CORO2B: variants seen among roughly 807,000 people sequenced by gnomAD.
The protein encoded by CORO2B is coronin 2B.
CORO2B carries 26 observed loss-of-function variants against 58.8 expected under a neutral mutation model. The ratio of observed to expected loss-of-function variants is 0.44; its 90% CI spans 0.32 to 0.61. CORO2B has a LOEUF of 0.61. CORO2B is among the 20% of genes least tolerant of loss of function. The pLI is 0.04. For synonymous variants in CORO2B, 242 were observed against 253.8 expected (o/e 0.95, Z 0.44); for missense variants, 460 against 645.1 (o/e 0.71, Z 3.11).
intron 1 of CORO2B, among the ~76,000 whole-genome samples, chr15:68,627,843 A>G (rs1213648128): frequency 6.6e-5 from 10 of 152,046 alleles, no homozygotes. Context: ...ACCCTGGTGT[A>G]TCCTCATCTC....
intron 1 of CORO2B, among the ~76,000 whole-genome samples, chr15:68,596,305 C>A (rs1228243191): frequency 1.5e-5 from 2 of 135,440 alleles, no homozygotes; most frequent in African/African-American, 2.8e-5. Context: ...GGACAGAACA[C>A]AATCCTGACA....
intron 2 of CORO2B, among the ~76,000 whole-genome samples, chr15:68,677,131 G>A (rs1902615108): frequency 1.3e-5 from 2 of 152,002 alleles, no homozygotes; most frequent in African/African-American, 2.4e-5. Context: ...CTGGAGCCCC[G>A]GAGGCACACC....
chr15:68,691,997 GAGTA>G (rs533900966), intron 2 of CORO2B, among the ~76,000 whole-genome samples: 1 of 152,210 alleles, frequency 6.6e-6, no homozygotes, highest in Non-Finnish European at 1.5e-5. Flanking sequence ...CTCTGTCAGA[GAGTA>G]AGTGAGCTGT....
rs141637030 is a variant in CORO2B, at chr15:68,660,154, T to G, written c.216+14794T>G. ...ACCAATTCTCCTTTGACCATGTGCC[T>G]GTATCATGGGAGGGTTCATGTCATG... On this transcript the variant is annotated intron_variant, in intron 2 of 11. Coordinates refer to ENST00000261861, the MANE Select transcript of CORO2B (RefSeq NM_006091.5). Among the ~76,000 whole-genome samples, 17 of 152,320 alleles carry G rather than the reference T, an allele frequency of 1.1e-4. 1 individual carries two copies. In the East Asian group the frequency reaches 3.3e-3, roughly 29 times the overall value.
the CORO2B span, among the ~76,000 whole-genome samples, chr15:68,519,277 G>A: frequency 2.6e-3 from 399 of 152,286 alleles, 3 homozygotes; most frequent in African/African-American, 9.3e-3. Flanking sequence ...ACATGTATAA[G>A]CATGTGTGGT....
chr15:68,563,693 G>T, the CORO2B span, among the ~76,000 whole-genome samples: 598 of 152,122 alleles, frequency 3.9e-3, 3 homozygotes, highest in African/African-American at 0.014. Flanking sequence ...TGTCAGAAAT[G>T]AAATTGGGGA....
At chr15:68,589,841 G>T (rs1468080519) in intron 1 of CORO2B, among the ~76,000 whole-genome samples, 3 of 152,220 alleles carry the variant, frequency 2.0e-5, no homozygotes, top group African/African-American at 4.8e-5. Context: ...GCCTGGTTTG[G>T]CAGTGGCAGA....
chr15:68,638,352 A>C (rs145274332), intron 1 of CORO2B, among the ~76,000 whole-genome samples: 3 of 152,342 alleles, frequency 2.0e-5, no homozygotes, highest in Admixed American at 6.5e-5. Flanking sequence ...TGGGCCAGAC[A>C]CTTTGCCAAG....
intron 1 of CORO2B, among the ~76,000 whole-genome samples, chr15:68,620,636 G>A (rs1010159978): frequency 2.6e-5 from 4 of 152,150 alleles, no homozygotes; most frequent in Admixed American, 6.5e-5. Flanking sequence ...TTTCCAAAGT[G>A]CCTTCTCTGT....
intron 1 of CORO2B, among the ~76,000 whole-genome samples, chr15:68,622,239 CA>C (rs1900545948): frequency 6.6e-6 from 1 of 152,144 alleles, no homozygotes; most frequent in Non-Finnish European, 1.5e-5. Flanking sequence ...TGAGTGACTG[CA>C]TGTGAAAATG....
the CORO2B span, among the ~76,000 whole-genome samples, chr15:68,549,450 T>C: frequency 0.92 from 139,964 of 152,156 alleles, 64,802 homozygotes; most frequent in East Asian, 1. Flanking sequence ...GTTCTCGTGG[T>C]ACCAAAACCT....
chr15:68,714,493 C>G, intron 6 of CORO2B, 66 bp from the exon 7 acceptor site: 1 of 1,273,480 alleles, frequency 7.9e-7, no homozygotes. Flanking sequence ...AGAGGCCTTC[C>G]TGGGATTTGG....
the CORO2B span, among the ~76,000 whole-genome samples, chr15:68,552,449 G>GC: frequency 8.4e-6 from 1 of 119,044 alleles, no homozygotes; most frequent in Non-Finnish European, 1.7e-5. Flanking sequence ...CCAAGGGGCA[G>GC]CCATGGCCAT....
chr15:68,724,201 C>G (rs764370419), intron 11 of CORO2B, among the ~76,000 whole-genome samples: 9 of 152,028 alleles, frequency 5.9e-5, no homozygotes, highest in Non-Finnish European at 1.3e-4. Context: ...GACTCTGTCT[C>G]AAAAACAAAC....
At chr15:68,607,725 A>C (rs573342765) in intron 1 of CORO2B, among the ~76,000 whole-genome samples, 3 of 151,304 alleles carry the variant, frequency 2.0e-5, no homozygotes, top group Non-Finnish European at 4.4e-5. Context: ...CGCTGAGGTG[A>C]GAGGATTGCT....
intron 1 of CORO2B, among the ~76,000 whole-genome samples, chr15:68,635,881 C>G (rs968219528): frequency 6.6e-6 from 1 of 152,070 alleles, no homozygotes; most frequent in Admixed American, 6.5e-5. Context: ...TTCCCTCACT[C>G]GTATATTTAT....
At chr15:68,531,929 G>A in the CORO2B span, among the ~76,000 whole-genome samples, 1 of 151,642 alleles carries the variant, frequency 6.6e-6, no homozygotes, top group African/African-American at 2.4e-5. Flanking sequence ...TATTTTTACT[G>A]AATATAGAAT....
At chr15:68,647,407 C>T (rs574737636) in intron 2 of CORO2B, among the ~76,000 whole-genome samples, 4 of 152,160 alleles carry the variant, frequency 2.6e-5, no homozygotes, top group South Asian at 4.1e-4. Context: ...AAAAAGAACC[C>T]GACCGGACAC....
At chr15:68,651,695 A>C (rs1362118441) in intron 2 of CORO2B, among the ~76,000 whole-genome samples, 1 of 152,088 alleles carries the variant, frequency 6.6e-6, no homozygotes, top group Non-Finnish European at 1.5e-5. Context: ...TCCCTCCACT[A>C]TCCAGCATAT....
Sources: gnomAD v4.1 joint callset for allele counts (sites outside exome capture counted in the v4.1 genomes callset) on GRCh38, gnomAD v4.1.1 for gene constraint, MANE v1.5 for transcripts, NCBI Gene and HGNC (gene_info 2026-07-23, HGNC 2026-07-21) for gene names.